GBP7: variants seen among roughly 807,000 people sequenced by gnomAD.
The protein encoded by GBP7 is guanylate-binding protein 7.
GBP7 carries 43 observed loss-of-function variants against 61.3 expected under a neutral mutation model. The ratio of observed to expected loss-of-function variants is 0.70; its 90% CI spans 0.55 to 0.91. The LOEUF (loss-of-function observed/expected upper bound fraction) is 0.91, where lower values mean the gene tolerates loss of function less well. Among genes scored for constraint, GBP7 ranks in the 40% least tolerant of loss-of-function variants. The probability of loss-of-function intolerance (pLI) is 0.00; values close to 1 mark genes in which losing one functional copy is unlikely to be tolerated. For missense variants in GBP7, 717 were observed against 740.5 expected (o/e 0.97, Z 0.37); for synonymous variants, 267 against 271.0 (o/e 0.99, Z 0.14).
chr1:89,168,399 G>A (rs1364646434), intron 2 of GBP7, among the ~76,000 whole-genome samples: 8 of 152,056 alleles, frequency 5.3e-5, no homozygotes, highest in Non-Finnish European at 1.5e-5. Flanking sequence ...ATGGACCAGA[G>A]AAAACAGAAA....
At chr1:89,162,191 T>G (rs1647293777) in intron 3 of GBP7, among the ~76,000 whole-genome samples, 1 of 152,314 alleles carries the variant, frequency 6.6e-6, no homozygotes, top group East Asian at 1.9e-4. Flanking sequence ...TAGTATAGTT[T>G]GATGTCGAGT....
chr1:89,153,179 T>C (rs995520391), intron 3 of GBP7, among the ~76,000 whole-genome samples: 3 of 152,246 alleles, frequency 2.0e-5, no homozygotes, highest in East Asian at 1.9e-4. Flanking sequence ...TAATCTGATA[T>C]TGTTTGTGAC....
chr1:89,150,528 T>G lies in GBP7; in HGVS notation c.673A>C (p.Arg225=). 6.2e-7 allele frequency: 1 copy of G among 1,613,946 alleles called. No homozygotes were observed. The highest frequency in any genetic ancestry group is 8.5e-7 in the Non-Finnish European group (1 of 1,179,780). ...CACTTCTGTTTTGGAAAGAAATGCC[T>G]GATCCACTCCCTGGGCTTGTTAGAA... is the stretch of plus-strand genomic sequence containing the variant. ...QNSNKPREWI[R]HFFPKQKCFV... The change falls in exon 6 of 11, where the codon AGG becomes CGG. Residue 225 remains arginine, a synonymous_variant. Transcript: ENST00000294671.
chr1:89,149,466 G>C lies in GBP7; in HGVS notation c.978C>G (p.Ala326=). The C allele has an allele frequency of 6.2e-7, 1 of 1,614,054 alleles. No individual in the cohort carries two copies. Among genetic ancestry groups the C allele is most frequent in the Non-Finnish European group, 8.5e-7 (1 of 1,180,006 alleles). The change falls in exon 7 of 11, where the codon GCC becomes GCG. Residue 326 remains alanine, a synonymous_variant. Coordinates refer to ENST00000294671, the MANE Select transcript of GBP7 (RefSeq NM_207398.3). ...AVLAQCENSA[A]VQRAANHYSQ... The stretch of plus-strand genomic sequence containing the variant: ...TGTAGTGGTTGGCTGCCCTCTGCAC[G>C]GCTGCTGAGTTCTCACACTGGGCCA...
chr1:89,149,249 C>G, intron 7 of GBP7, 43 bp downstream of exon 7: 2 of 1,534,386 alleles, frequency 1.3e-6, no homozygotes, highest in Middle Eastern at 2.4e-4. Flanking sequence ...AGTATCATTC[C>G]AGAAAGGCAG....
Position 89,149,537 on chromosome 1 carries a change from T to C in GBP7, c.907A>G (p.Ile303Val), listed in dbSNP as rs1682144395. Residue 303 changes from isoleucine (I) to valine (V), a missense_variant, in exon 7 of 11, where the codon ATC becomes GTC. Transcript: ENST00000294671. ...AGACAAGGAGTCGCTCCACTGTTGA[T>C]GGCATCCAGGTAGGTCTCCACCAGC... Reference protein sequence around the residue: ...GMLVETYLDAINSGATPCLEN... With the variant: ...GMLVETYLDAVNSGATPCLEN... 2.5e-6 allele frequency: 4 copies of C among 1,614,112 alleles called. No homozygotes were observed. Among genetic ancestry groups the C allele is most frequent in the African/African-American group, 1.3e-5 (1 of 75,052 alleles).
intron 3 of GBP7, among the ~76,000 whole-genome samples, chr1:89,159,287 G>C (rs1157067334): frequency 2.0e-5 from 3 of 152,130 alleles, no homozygotes. Flanking sequence ...ATACCATTCA[G>C]GACATAGGCA....
chr1:89,149,213 C>A, intron 7 of GBP7, 79 bp downstream of exon 7: 2 of 1,232,098 alleles, frequency 1.6e-6, no homozygotes, highest in South Asian at 1.6e-5. Flanking sequence ...AGGAGATGAA[C>A]CATGGCATTA....
At chr1:89,160,808 A>G (rs1215317298) in intron 3 of GBP7, among the ~76,000 whole-genome samples, 1 of 152,164 alleles carries the variant, frequency 6.6e-6, no homozygotes, top group Non-Finnish European at 1.5e-5. Context: ...TGGCTTTCAT[A>G]CTGCACAACA....
intron 8 of GBP7, among the ~76,000 whole-genome samples, chr1:89,146,265 C>T (rs544586655): frequency 1.6e-4 from 24 of 152,230 alleles, no homozygotes; most frequent in Non-Finnish European, 1.5e-4. Context: ...TTGTACTACA[C>T]ACAAATGTCA....
chr1:89,171,489 ATATT>A (rs1647598088), intron 2 of GBP7, among the ~76,000 whole-genome samples: 2 of 152,110 alleles, frequency 1.3e-5, no homozygotes, highest in African/African-American at 2.4e-5. Context: ...ATTTTAGTAA[ATATT>A]TAATAATGCA....
intron 4 of GBP7, 55 bp downstream of exon 4, chr1:89,152,613 G>A (rs1376277239): frequency 7.7e-6 from 12 of 1,555,270 alleles, no homozygotes; most frequent in African/African-American, 1.4e-5. Flanking sequence ...CACAGTATCA[G>A]TTTCCATTCC....
intron 3 of GBP7, among the ~76,000 whole-genome samples, chr1:89,154,131 A>AGATG (rs1165840074): frequency 6.6e-6 from 1 of 152,226 alleles, no homozygotes; most frequent in Non-Finnish European, 1.5e-5. Context: ...TGCTTCCATC[A>AGATG]AGCATGTATA....
chr1:89,142,435 A>T (rs1212952562), intron 8 of GBP7, among the ~76,000 whole-genome samples: 1 of 152,124 alleles, frequency 6.6e-6, no homozygotes, highest in Non-Finnish European at 1.5e-5. Context: ...ACTTTTGTAG[A>T]GATGGAAGTC....
chr1:89,166,184 C>T (rs752246833), intron 2 of GBP7, among the ~76,000 whole-genome samples: 2 of 152,172 alleles, frequency 1.3e-5, no homozygotes, highest in Non-Finnish European at 2.9e-5. Flanking sequence ...AGCATGCATT[C>T]ATAAGTAAAA....
chr1:89,155,334 C>A (rs898228913), intron 3 of GBP7, among the ~76,000 whole-genome samples: 1 of 152,170 alleles, frequency 6.6e-6, no homozygotes, highest in Non-Finnish European at 1.5e-5. Context: ...AGCAATGGAA[C>A]AAAGCTGGAT....
rs1681951559 is a variant in GBP7 at position 89,141,607 on chromosome 1, A to G, written c.1407T>C (p.Val469=). 1 of 1,613,826 alleles carries G rather than the reference A, an allele frequency of 6.2e-7. No homozygotes were observed. Among genetic ancestry groups the G allele is most frequent in the East Asian group, 2.2e-5 (1 of 44,882 alleles). ...CTGACTGCAGGATGGATTCCTCTAT[A>G]ACCACCTGTGACTGCAGGAAGCTCT... is the stretch of plus-strand genomic sequence containing the variant. ...VLQSFLQSQV[V]IEESILQSDK... Residue 469 remains valine (V), a synonymous_variant, in exon 9 of 11, where the codon GTT becomes GTC. Coordinates refer to ENST00000294671, the MANE Select transcript of GBP7 (RefSeq NM_207398.3).
intron 2 of GBP7, among the ~76,000 whole-genome samples, chr1:89,168,837 C>T (rs1647515112): frequency 6.6e-6 from 1 of 152,040 alleles, no homozygotes; most frequent in South Asian, 2.1e-4. Context: ...GGCATGGTGG[C>T]GGGCTCCTGT....
Position 89,131,759 on chromosome 1 carries a change from TTTA to T in GBP7, c.*387_*389del, listed in dbSNP as rs1472509414. 1 of 157,360 alleles carries T rather than the reference TTTA, an allele frequency of 6.4e-6. No homozygotes were observed. The highest frequency in any genetic ancestry group is 1.4e-5 in the Non-Finnish European group (1 of 71,502). 9.7% of individuals were successfully genotyped at this position (157,360 alleles called of 1,614,324 possible). On this transcript the variant is annotated 3_prime_UTR_variant, in exon 11 of 11. Transcript: ENST00000294671. ...CCTCATAGTTTTTCTTTGCACAACT[TTTA>T]TTGTCAGTAAAATTAAACATTTTTA...
Sources: gnomAD v4.1 joint callset for allele counts (sites outside exome capture counted in the v4.1 genomes callset) on GRCh38, gnomAD v4.1.1 for gene constraint, MANE v1.5 for transcripts, NCBI Gene and HGNC (gene_info 2026-07-23, HGNC 2026-07-21) for gene names.